Variants in MBD5 observed in about 807,000 individuals in gnomAD.
MBD5 encodes the protein methyl-CpG-binding domain protein 5.
MBD5 carries 13 observed loss-of-function variants against 117.3 expected under a neutral mutation model. The ratio of observed to expected loss-of-function variants is 0.11; its 90% CI spans 0.07 to 0.18. MBD5 has a LOEUF of 0.18. Among genes scored for constraint, MBD5 ranks in the 10% least tolerant of loss-of-function variants. MBD5 has a pLI of 1.00. For synonymous variants in MBD5, 727 were observed against 766.4 expected (o/e 0.95, Z 0.85); for missense variants, 1,879 against 2,093.8 (o/e 0.90, Z 2.00).
intron 4 of MBD5, among the ~76,000 whole-genome samples, chr2:148,378,858 C>T (rs1488047750): frequency 1.3e-5 from 2 of 151,882 alleles, no homozygotes; most frequent in South Asian, 2.1e-4. Context: ...TTCCATTGAC[C>T]AGTTTGGAAA....
At chr2:148,048,074 A>G (rs980375902) in intron 1 of MBD5, among the ~76,000 whole-genome samples, 5 of 152,182 alleles carry the variant, frequency 3.3e-5, no homozygotes, top group African/African-American at 1.2e-4. Flanking sequence ...TAAGGTGGAT[A>G]GGGGCATAAA....
At chr2:148,288,902 C>A (rs1462580588) in intron 3 of MBD5, among the ~76,000 whole-genome samples, 1 of 152,138 alleles carries the variant, frequency 6.6e-6, no homozygotes, top group Non-Finnish European at 1.5e-5. Context: ...TTAGTAAGTT[C>A]TGTAATTAAT....
At chr2:148,316,104 G>A (rs1475766726) in intron 3 of MBD5, among the ~76,000 whole-genome samples, 2 of 152,132 alleles carry the variant, frequency 1.3e-5, no homozygotes, top group African/African-American at 4.8e-5. Context: ...CAGATCTCAT[G>A]AGAACTCACT....
At chr2:148,454,828 A>C (rs1191597210) in intron 4 of MBD5, among the ~76,000 whole-genome samples, 1 of 152,172 alleles carries the variant, frequency 6.6e-6, no homozygotes, top group African/African-American at 2.4e-5. Flanking sequence ...TCTAAAAACA[A>C]ATGATTGAAA....
chr2:148,229,129 T>A (rs1699917527), intron 2 of MBD5, among the ~76,000 whole-genome samples: 1 of 152,124 alleles, frequency 6.6e-6, no homozygotes, highest in Non-Finnish European at 1.5e-5. Context: ...AGTTATTTCT[T>A]GCATTTTGAG....
chr2:148,516,302 G>A lies in MBD5; in HGVS notation c.*3361G>A, dbSNP rs1305190034. On this transcript the variant is annotated 3_prime_UTR_variant, in exon 14 of 14. Transcript: ENST00000642680. ...GCATTAAGATTTTAAAATCTAAGAT[G>A]CTTAAGATGTTGGTGGCATTGCTCT... 1 of 152,186 alleles carries A rather than the reference G, an allele frequency of 6.6e-6. No individual in the cohort carries two copies. The highest frequency in any genetic ancestry group is 1.5e-5 in the Non-Finnish European group (1 of 68,024). The allele number at this position is 152,186 out of a possible 1,614,324, so 9.4% of individuals were successfully genotyped here. A position where few individuals can be genotyped will look rare whatever the true frequency, so the allele number is the denominator to read the frequency against.
At chr2:148,133,817 C>T (rs1375878846) in intron 1 of MBD5, among the ~76,000 whole-genome samples, 5 of 151,802 alleles carry the variant, frequency 3.3e-5, no homozygotes, top group South Asian at 2.1e-4. Flanking sequence ...GAGCAAAACT[C>T]GGTCTCAAAA....
chr2:148,229,510 C>T (rs570787469), intron 2 of MBD5, among the ~76,000 whole-genome samples: 1 of 152,250 alleles, frequency 6.6e-6, no homozygotes, highest in South Asian at 2.1e-4. Context: ...TTATCTATTT[C>T]ATTTGGTGAG....
intron 1 of MBD5, among the ~76,000 whole-genome samples, chr2:148,048,415 TTAGTG>T (rs1558902202): frequency 6.6e-6 from 1 of 152,134 alleles, no homozygotes; most frequent in Non-Finnish European, 1.5e-5. Context: ...AATTTATAGT[TTAGTG>T]AGGATATGCA....
intron 3 of MBD5, among the ~76,000 whole-genome samples, chr2:148,334,814 C>A (rs2105084698): frequency 6.6e-6 from 1 of 152,168 alleles, no homozygotes; most frequent in African/African-American, 2.4e-5. Context: ...AGGCAAATAT[C>A]TTTTGAAATG....
chr2:148,496,833 T>A (rs1681717482), intron 11 of MBD5, among the ~76,000 whole-genome samples: 1 of 152,200 alleles, frequency 6.6e-6, no homozygotes, highest in Admixed American at 6.5e-5. Context: ...GTTAGTTCAT[T>A]TGAAAAAAAT....
rs1177312968 is a variant in MBD5 at position 148,458,392 on chromosome 2, A to T, written c.-367A>T. 1.3e-5 allele frequency: 7 copies of T among 522,020 alleles called. No individual in the cohort carries two copies. Among genetic ancestry groups the T allele is most frequent in the African/African-American group, 1.1e-4 (6 of 52,788 alleles). 32.3% of individuals were successfully genotyped at this position (522,020 alleles called of 1,614,324 possible). ...TAAACAATAGAGATTGTCTTAGTAC[A>T]ACATCAAGGTTCAAGACAAATGTTG... On this transcript the variant is annotated 5_prime_UTR_variant, in exon 5 of 14. Coordinates refer to ENST00000642680, the MANE Select transcript of MBD5 (RefSeq NM_001378120.1).
At position 148,458,818 on chromosome 2, in the gene MBD5, A is replaced by G. The variant is rs1057522537; in HGVS notation, c.60A>G (p.Gln20=). The part of the protein sequence containing the change: ...GDKEGGLPAI[Q]VPVGWQRRVD... Reference sequence around the variant, plus strand: ...AGGAAGGAGGTCTTCCAGCTATACAAGTTCCTGTGGGTTGGCAGCGTCGTG... The same window carrying G: ...AGGAAGGAGGTCTTCCAGCTATACAGGTTCCTGTGGGTTGGCAGCGTCGTG... The change falls in exon 5 of 14, where the codon CAA becomes CAG. Residue 20 remains glutamine, a synonymous_variant. Coordinates refer to ENST00000642680, the MANE Select transcript of MBD5 (RefSeq NM_001378120.1). The G allele has an allele frequency of 1.2e-6, 2 of 1,613,624 alleles. No individual in the cohort carries two copies. The highest frequency in any genetic ancestry group is 1.1e-5 in the South Asian group (1 of 91,082).
intron 3 of MBD5, among the ~76,000 whole-genome samples, chr2:148,258,046 T>A (rs1186872289): frequency 6.6e-6 from 1 of 152,172 alleles, no homozygotes; most frequent in Non-Finnish European, 1.5e-5. Context: ...TATCTGCACC[T>A]CTTCCAGCTT....
intron 1 of MBD5, among the ~76,000 whole-genome samples, chr2:148,127,420 T>G (rs1036811866): frequency 8.5e-5 from 13 of 152,266 alleles, no homozygotes; most frequent in African/African-American, 3.1e-4. Context: ...CAGTATGTAT[T>G]CTTCCCACTA....
intron 1 of MBD5, among the ~76,000 whole-genome samples, chr2:148,029,456 A>G (rs1249768021): frequency 6.6e-6 from 1 of 152,174 alleles, no homozygotes; most frequent in Non-Finnish European, 1.5e-5. Context: ...TAACAGTCAC[A>G]TTAGTCAGGT....
intron 4 of MBD5, among the ~76,000 whole-genome samples, chr2:148,359,807 T>A (rs1703483562): frequency 6.6e-6 from 1 of 152,194 alleles, no homozygotes; most frequent in South Asian, 2.1e-4. Flanking sequence ...CTTTATGTAT[T>A]GCTTTTCAAA....
intron 4 of MBD5, among the ~76,000 whole-genome samples, chr2:148,375,332 A>C (rs1415448794): frequency 6.6e-6 from 1 of 152,228 alleles, no homozygotes; most frequent in South Asian, 2.1e-4. Context: ...GACTTTGCTA[A>C]CAGACATCAG....
At chr2:148,088,655 TACTG>T (rs1345433225) in intron 1 of MBD5, among the ~76,000 whole-genome samples, 3 of 152,082 alleles carry the variant, frequency 2.0e-5, no homozygotes, top group Non-Finnish European at 4.4e-5. Flanking sequence ...GACAAACAAA[TACTG>T]AGAGAATTTT....
Sources: gnomAD v4.1 joint callset for allele counts (sites outside exome capture counted in the v4.1 genomes callset) on GRCh38, gnomAD v4.1.1 for gene constraint, MANE v1.5 for transcripts, NCBI Gene and HGNC (gene_info 2026-07-23, HGNC 2026-07-21) for gene names.